The following MAP4K4 variants were observed in gnomAD, a reference collection of about 807,000 sequenced individuals.
The protein encoded by MAP4K4 is mitogen-activated protein kinase kinase kinase kinase 4.
A neutral mutation model predicts 189.6 loss-of-function variants in MAP4K4; 38 were observed. That is an observed-to-expected ratio of 0.20 (90% CI 0.15 to 0.26). MAP4K4 has a LOEUF of 0.26. Ranked by LOEUF, MAP4K4 falls within the 10% of genes least tolerant of loss-of-function variation. The probability of loss-of-function intolerance (pLI) is 1.00; values close to 1 mark genes in which losing one functional copy is unlikely to be tolerated. For synonymous variants in MAP4K4, 610 were observed against 624.3 expected, an observed-to-expected ratio of 0.98 and a Z score of 0.34; for missense variants, 1,054 against 1,726.9, an observed-to-expected ratio of 0.61 and a Z score of 6.91.
chr2:101,702,982 T>C (rs1173087591), intron 2 of MAP4K4, among the ~76,000 whole-genome samples: 1 of 152,074 alleles, frequency 6.6e-6, no homozygotes, highest in African/African-American at 2.4e-5. Flanking sequence ...CCTTTGGGAA[T>C]GGTAGAAAGG....
chr2:101,789,156 G>A (rs2092381061), intron 2 of MAP4K4, among the ~76,000 whole-genome samples: 1 of 152,216 alleles, frequency 6.6e-6, no homozygotes, highest in African/African-American at 2.4e-5. Flanking sequence ...ACTGCAGGGG[G>A]TGAATAACAG....
chr2:101,762,402 A>G (rs958430347), intron 2 of MAP4K4, among the ~76,000 whole-genome samples: 3 of 151,968 alleles, frequency 2.0e-5, no homozygotes, highest in Admixed American at 2.0e-4. Flanking sequence ...GGCAGTGAAG[A>G]TTTTTCCTTG....
chr2:101,875,502 G>A (rs111914600), intron 26 of MAP4K4, among the ~76,000 whole-genome samples: 2,448 of 152,212 alleles, frequency 0.016, 47 homozygotes, highest in African/African-American at 0.038. Flanking sequence ...AGAGAGGGCT[G>A]TAGGAGCGTT....
intron 15 of MAP4K4, chr2:101,860,130 T>A: frequency 1.9e-6 from 1 of 521,514 alleles, no homozygotes; most frequent in Admixed American, 3.2e-5. Flanking sequence ...ACTAAAAGAT[T>A]ACATGACACA....
chr2:101,873,488 T>G (rs2098114612), intron 24 of MAP4K4, among the ~76,000 whole-genome samples, 159 bp from the exon 25 acceptor site: 1 of 152,198 alleles, frequency 6.6e-6, no homozygotes, highest in South Asian at 2.1e-4. Context: ...CTATGCCACG[T>G]GGAAGCTCCC....
At chr2:101,723,293 A>G (rs1423763955) in intron 2 of MAP4K4, among the ~76,000 whole-genome samples, 1 of 152,216 alleles carries the variant, frequency 6.6e-6, no homozygotes, top group African/African-American at 2.4e-5. Flanking sequence ...TCCTTTTTGC[A>G]TATAATGCAG....
chr2:101,770,868 A>C (rs931413911), intron 2 of MAP4K4, among the ~76,000 whole-genome samples: 5 of 152,124 alleles, frequency 3.3e-5, no homozygotes, highest in African/African-American at 7.2e-5. Context: ...ATGGCGCTAA[A>C]TTGTGACCAG....
intron 2 of MAP4K4, among the ~76,000 whole-genome samples, chr2:101,785,249 A>G (rs1203160280): frequency 6.6e-6 from 1 of 152,204 alleles, no homozygotes; most frequent in Non-Finnish European, 1.5e-5. Flanking sequence ...ATGATTCTGG[A>G]AAAAGGTGAA....
At chr2:101,863,757 T>C in intron 16 of MAP4K4, 64 bp from the exon 17 acceptor site, 1 of 1,131,240 alleles carries the variant, frequency 8.8e-7, no homozygotes, top group South Asian at 1.2e-5. Context: ...GGATTTGGTA[T>C]TGACCAGAAA....
chr2:101,812,920 G>A (rs2095517450), intron 3 of MAP4K4, among the ~76,000 whole-genome samples: 1 of 152,172 alleles, frequency 6.6e-6, no homozygotes, highest in South Asian at 2.1e-4. Context: ...GAAGTCAGGA[G>A]ATCGAGACCA....
At position 101,867,906 on chromosome 2, in the gene MAP4K4, T is replaced by C. The variant is rs1308272920; in HGVS notation, c.2455-123T>C. ...AATTTTAAGCCTGTCAGAGTTTTCA[T>C]TTCCTGCTTGAACTGATTTCTGTAC... On this transcript the variant is annotated intron_variant, in intron 20 of 32. Coordinates refer to ENST00000324219, the Ensembl canonical transcript of MAP4K4. 22 of 936,144 alleles carry C rather than the reference T, an allele frequency of 2.4e-5. 1 individual carries two copies. The highest frequency in any genetic ancestry group is 1.1e-4 in the South Asian group (8 of 69,764). The allele number at this position is 936,144 out of a possible 1,614,324, so 58.0% of individuals were successfully genotyped here. A position where few individuals can be genotyped will look rare whatever the true frequency, so the allele number is the denominator to read the frequency against.
At chr2:101,789,663 G>C (rs1403535926) in intron 2 of MAP4K4, among the ~76,000 whole-genome samples, 1 of 152,174 alleles carries the variant, frequency 6.6e-6, no homozygotes, top group Non-Finnish European at 1.5e-5. Context: ...ACAGGCTTTT[G>C]GAAAATATGG....
intron 20 of MAP4K4, chr2:101,867,536 C>G (rs1577066355): frequency 2.0e-6 from 1 of 493,058 alleles, no homozygotes. Flanking sequence ...TCTGTTGTTC[C>G]AGCCATACAC....
chr2:101,815,432 G>A (rs1023994379), intron 3 of MAP4K4, among the ~76,000 whole-genome samples: 2 of 152,118 alleles, frequency 1.3e-5, no homozygotes. Flanking sequence ...TACCAATAGA[G>A]GTGTAGGTTG....
intron 3 of MAP4K4, among the ~76,000 whole-genome samples, chr2:101,820,975 C>G (rs72989351): frequency 0.063 from 9,584 of 152,016 alleles, 812 homozygotes; most frequent in African/African-American, 0.19. Context: ...AAATTGTTAC[C>G]CTTTTCTGTT....
chr2:101,698,333 G>A (rs2035745652), intron 1 of MAP4K4, 140 bp from the exon 2 acceptor site: 5 of 828,740 alleles, frequency 6.0e-6, no homozygotes, highest in South Asian at 4.4e-5. Context: ...AGCCCGCCGC[G>A]CGACCCCCGG....
intron 3 of MAP4K4, among the ~76,000 whole-genome samples, chr2:101,815,494 T>C (rs1050874042): frequency 1.1e-4 from 16 of 152,150 alleles, no homozygotes; most frequent in Admixed American, 9.2e-4. Context: ...TCAGTGTTAT[T>C]CCTGGGTTAG....
intron 3 of MAP4K4, among the ~76,000 whole-genome samples, chr2:101,822,773 C>T (rs925532195): frequency 6.6e-6 from 1 of 152,046 alleles, no homozygotes; most frequent in Non-Finnish European, 1.5e-5. Flanking sequence ...AGAAGGACAT[C>T]AGTTGTGAGT....
chr2:101,765,124 A>G (rs2078052872), intron 2 of MAP4K4, among the ~76,000 whole-genome samples: 1 of 152,146 alleles, frequency 6.6e-6, no homozygotes, highest in South Asian at 2.1e-4. Flanking sequence ...TCCATAAGGC[A>G]ACTGGCCAGT....
Sources: gnomAD v4.1 joint callset for allele counts (sites outside exome capture counted in the v4.1 genomes callset) on GRCh38, gnomAD v4.1.1 for gene constraint, MANE v1.5 for transcripts, NCBI Gene and HGNC (gene_info 2026-07-23, HGNC 2026-07-21) for gene names.